PZP: variants seen among roughly 807,000 people sequenced by gnomAD.
PZP encodes the protein pregnancy zone protein.
PZP carries 150 observed loss-of-function variants against 179.8 expected under a neutral mutation model. The ratio of observed to expected loss-of-function variants is 0.83; its 90% CI spans 0.73 to 0.96. The LOEUF is 0.96. Among genes scored for constraint, PZP ranks in the 40% least tolerant of loss-of-function variants. The pLI, the probability that PZP is intolerant of heterozygous loss-of-function variation, is 0.00. For missense variants in PZP, 1,689 were observed against 1,764.0 expected, an observed-to-expected ratio of 0.96 and a Z score of 0.76; for synonymous variants, 624 against 652.3, an observed-to-expected ratio of 0.96 and a Z score of 0.66.
chr12:9,191,597 T>C (rs753201335), intron 13 of PZP, among the ~76,000 whole-genome samples: 4 of 152,080 alleles, frequency 2.6e-5, no homozygotes. Context: ...AAGTTTAGCT[T>C]AGGGGTGTGG....
chr12:9,192,173 A>C lies in PZP; in HGVS notation c.1546+20T>G. 2 of 1,604,730 alleles carry C rather than the reference A, an allele frequency of 1.2e-6. No homozygotes were observed. Among genetic ancestry groups the C allele is most frequent in the Non-Finnish European group, 1.7e-6 (2 of 1,171,478 alleles). ...GGATGTGTTAGGGGAGCAAGGAGAG[A>C]TGAATCTGAGGATACTCACTGTCTC... is the stretch of plus-strand genomic sequence containing the variant. On this transcript the variant is annotated intron_variant, in intron 13 of 35. Coordinates refer to ENST00000261336, the MANE Select transcript of PZP (RefSeq NM_002864.3).
At chr12:9,199,809 C>T (rs1944046299) in intron 7 of PZP, among the ~76,000 whole-genome samples, 2 of 152,080 alleles carry the variant, frequency 1.3e-5, no homozygotes, top group African/African-American at 4.8e-5. Flanking sequence ...GTGATAGGTA[C>T]ATGAAATTGT....
chr12:9,165,225 C>T lies in PZP; in HGVS notation c.2401G>A (p.Glu801Lys). ...ATCACAGAGTAAGGCATTGTGAGCTCCACAAAGAAGGGCTGGAAGGCTCGG... is the reference window on the plus strand; with the variant it reads ...ATCACAGAGTAAGGCATTGTGAGCTTCACAAAGAAGGGCTGGAAGGCTCGG... ...SLRAFQPFFV[E>K]LTMPYSVIRG... is the part of the protein sequence containing the mutation. Residue 801 changes from glutamate to lysine, a missense_variant, in exon 19 of 36, where the codon GAG becomes AAG. Around this residue, in one of 3 missense-constraint regions of PZP, gnomAD observed 201 missense variants for 284.2 expected, o/e 0.71. Transcript: ENST00000261336. 1 of 1,614,160 alleles carries T rather than the reference C, an allele frequency of 6.2e-7. No individual in the cohort carries two copies. The highest frequency in any genetic ancestry group is 8.5e-7 in the Non-Finnish European group (1 of 1,180,036).
At chr12:9,204,801 A>T (rs1434086745) in intron 1 of PZP, among the ~76,000 whole-genome samples, 2 of 152,172 alleles carry the variant, frequency 1.3e-5, no homozygotes, top group East Asian at 3.8e-4. Flanking sequence ...ATAAAAAAAA[A>T]CAAACAGGTT....
In PZP at chr12:9,165,169, C is replaced by T. The variant is rs750633316; in HGVS notation, c.2457G>A (p.Thr819=). The change falls in exon 19 of 36, where the codon ACG becomes ACA. Residue 819 remains threonine, a synonymous_variant. Coordinates refer to ENST00000261336, the MANE Select transcript of PZP (RefSeq NM_002864.3). ...IRGEVFTLKA[T]VLNYLPKCIR... is the part of the protein sequence containing the mutation. ...TGCATTTGGGAAGGTAGTTTAGGAC[C>T]GTGGCCTTGAGTGTGAAGACCTCTC... is the stretch of plus-strand genomic sequence containing the variant. 31 of 1,613,946 alleles carry T rather than the reference C, an allele frequency of 1.9e-5. No individual in the cohort carries two copies. The highest frequency in any genetic ancestry group is 1.9e-4 in the South Asian group (17 of 91,082).
At chr12:9,205,135 AT>A (rs1468895658) in intron 1 of PZP, among the ~76,000 whole-genome samples, 4 of 152,170 alleles carry the variant, frequency 2.6e-5, no homozygotes, top group African/African-American at 7.2e-5. Context: ...TAAAAGTCAT[AT>A]TATTTTGAAA....
At chr12:9,152,610 C>T (rs1485390000) in intron 31 of PZP, among the ~76,000 whole-genome samples, 1 of 152,184 alleles carries the variant, frequency 6.6e-6, no homozygotes, top group African/African-American at 2.4e-5. Context: ...GCACACCTCA[C>T]TATACAGTTC....
At chr12:9,196,982 T>C (rs759210805) in intron 8 of PZP, 30 bp downstream of exon 8, 6 of 1,447,128 alleles carry the variant, frequency 4.1e-6, no homozygotes, top group Non-Finnish European at 4.9e-6. Context: ...TAAACAGTGA[T>C]AGCACTGAGG....
In PZP at chr12:9,148,921, A is replaced by T; in HGVS notation, c.*51T>A. The stretch of plus-strand genomic sequence containing the variant: ...GAGACAAATAACTCCATTCCTTCTA[A>T]GTAAATGTATAGGACAGAGAATCCA... On this transcript the variant is annotated 3_prime_UTR_variant, in exon 36 of 36. Coordinates refer to ENST00000261336, the MANE Select transcript of PZP (RefSeq NM_002864.3). 1 of 1,497,508 alleles carries T rather than the reference A, an allele frequency of 6.7e-7. No homozygotes were observed. The highest frequency in any genetic ancestry group is 9.3e-7 in the Non-Finnish European group (1 of 1,079,512). The allele number at this position is 1,497,508 out of a possible 1,614,324, so 92.8% of individuals were successfully genotyped here. A position where few individuals can be genotyped will look rare whatever the true frequency, so the allele number is the denominator to read the frequency against.
At chr12:9,169,226 G>A (rs981761597) in intron 16 of PZP, among the ~76,000 whole-genome samples, 1 of 152,056 alleles carries the variant, frequency 6.6e-6, no homozygotes, top group African/African-American at 2.4e-5. Flanking sequence ...TGAATAGGCA[G>A]AGGTTAGATC....
intron 15 of PZP, among the ~76,000 whole-genome samples, chr12:9,175,020 A>C (rs1942266651): frequency 6.6e-6 from 1 of 152,228 alleles, no homozygotes; most frequent in Non-Finnish European, 1.5e-5. Flanking sequence ...TCTAAGCAAG[A>C]AGAACAAAGC....
At position 9,170,891 on chromosome 12, in the gene PZP, T is replaced by C. The variant is rs1941947697; in HGVS notation, c.1840-1300A>G. On this transcript the variant is annotated intron_variant, in intron 15 of 35. Coordinates refer to ENST00000261336, the MANE Select transcript of PZP (RefSeq NM_002864.3). The surrounding 1 kb of genome is among the most constrained non-coding windows in gnomAD (Gnocchi z 4.6). ...GGGGGGCAGGGGTGTCTGCCATCTC[T>C]GCAGTTTGGTTGACTCTGCCACTCC... Among the ~76,000 whole-genome samples, 1 of 152,200 alleles carries C rather than the reference T, an allele frequency of 6.6e-6. No individual in the cohort carries two copies. Among genetic ancestry groups the C allele is most frequent in the Admixed American group, 6.5e-5 (1 of 15,282 alleles).
chr12:9,154,582 A>C, intron 29 of PZP, 34 bp downstream of exon 29: 1 of 1,591,514 alleles, frequency 6.3e-7, no homozygotes, highest in Non-Finnish European at 8.6e-7. Flanking sequence ...TGCCAAGTGA[A>C]CCTGGAGCAG....
chr12:9,157,413 G>T, intron 27 of PZP, 58 bp from the exon 28 acceptor site: 3 of 1,466,030 alleles, frequency 2.0e-6, no homozygotes, highest in Non-Finnish European at 2.8e-6. Context: ...AGAGCAAGCT[G>T]AGAGCTGGAT....
chr12:9,202,930 C>G (rs916702480), intron 2 of PZP, among the ~76,000 whole-genome samples: 2 of 152,194 alleles, frequency 1.3e-5, no homozygotes, highest in African/African-American at 2.4e-5. Flanking sequence ...AAATTAGATG[C>G]CTTTTAACTG....
chr12:9,160,885 A>C (rs1050718787), intron 23 of PZP, 148 bp downstream of exon 23: 1 of 719,912 alleles, frequency 1.4e-6, no homozygotes, highest in Non-Finnish European at 2.4e-6. Context: ...ACTGTACTCC[A>C]GCCTGGGCGA....
At position 9,166,187 on chromosome 12, in the gene PZP, A is replaced by G. The variant is rs1941572826; in HGVS notation, c.2123T>C (p.Val708Ala). The G allele has an allele frequency of 1.2e-6, 2 of 1,612,038 alleles. No homozygotes were observed. The highest frequency in any genetic ancestry group is 1.1e-5 in the South Asian group (1 of 90,332). Reference sequence around the variant, plus strand: ...TAATTGAGGAACATATGGTCTCTCTACTACTCCTAGACCTGCTAAAGTAAG... The same window carrying G: ...TAATTGAGGAACATATGGTCTCTCTGCTACTCCTAGACCTGCTAAAGTAAG... ...QGYYGAGLGV[V>A]ERPYVPQLGT... Residue 708 changes from valine (V) to alanine (A), a missense_variant, in exon 18 of 36, where the codon GTA (valine) becomes GCA (alanine). Physicochemically the swap from Val to Ala is moderately conservative, Grantham distance 64. This residue lies in a region of PZP where 201 missense variants were observed against 284.2 expected (regional missense o/e 0.71). Transcript: ENST00000261336.
chr12:9,167,357 C>G (rs1382292439), intron 17 of PZP: 1 of 152,160 alleles, frequency 6.6e-6, no homozygotes, highest in Non-Finnish European at 1.5e-5. Flanking sequence ...TCCACGTGTC[C>G]TTTCATAGTC....
At chr12:9,160,681 G>T (rs780896797) in intron 23 of PZP, among the ~76,000 whole-genome samples, 191 bp from the exon 24 acceptor site, 1 of 152,130 alleles carries the variant, frequency 6.6e-6, no homozygotes, top group Non-Finnish European at 1.5e-5. Context: ...TTGGGAGGCC[G>T]AGGCGGGCGG....
Sources: allele counts gnomAD v4.1 joint callset (sites outside exome capture counted in the v4.1 genomes callset), GRCh38; gene constraint gnomAD v4.1.1; regional missense constraint gnomAD v4.1.1; non-coding constraint Gnocchi (gnomAD v3.1); transcripts MANE v1.5; gene names NCBI Gene and HGNC (gene_info 2026-07-23, HGNC 2026-07-21).